PTPRZ1: variants seen among roughly 807,000 people sequenced by gnomAD.
The protein encoded by PTPRZ1 is receptor-type tyrosine-protein phosphatase zeta.
In PTPRZ1, 82 loss-of-function variants were observed where a neutral mutation model predicts 214.1. The ratio of observed to expected loss-of-function variants is 0.38; its 90% confidence interval spans 0.32 to 0.46. PTPRZ1 has a LOEUF of 0.46. PTPRZ1 is among the 20% of genes least tolerant of loss of function. The pLI is 1.00. For missense variants in PTPRZ1, 2,603 were observed against 2,748.7 expected (o/e 0.95, Z 1.19); for synonymous variants, 945 against 987.9 (o/e 0.96, Z 0.81).
chr7:122,042,695 C>T lies in PTPRZ1; in HGVS notation c.5889C>T (p.Gly1963=). The change falls in exon 22 of 30, where the codon GGC becomes GGT. Residue 1963 remains glycine, a synonymous_variant. Coordinates refer to ENST00000393386, the MANE Select transcript of PTPRZ1 (RefSeq NM_002851.3). ...IQHEGTVNIF[G]FLKHIRSQRN... ...ACGAAGGAACTGTCAACATATTTGG[C>T]TTCTTAAAACACATCCGTTCACAAA... 1 of 1,613,394 alleles carries T rather than the reference C, an allele frequency of 6.2e-7. No individual in the cohort carries two copies. The highest frequency in any genetic ancestry group is 8.5e-7 in the Non-Finnish European group (1 of 1,179,352).
At chr7:121,936,370 T>G (rs1005360571) in intron 2 of PTPRZ1, among the ~76,000 whole-genome samples, 1 of 152,220 alleles carries the variant, frequency 6.6e-6, no homozygotes, top group Non-Finnish European at 1.5e-5. Context: ...AGGAGGAATG[T>G]GTATATGGCT....
intron 1 of PTPRZ1, among the ~76,000 whole-genome samples, chr7:121,878,290 G>A (rs976570347): frequency 6.6e-6 from 1 of 152,140 alleles, no homozygotes; most frequent in African/African-American, 2.4e-5. Flanking sequence ...GTGGCTAGTG[G>A]CAATCACATG....
chr7:121,929,832 AAAT>A (rs1322541105), intron 2 of PTPRZ1, among the ~76,000 whole-genome samples: 45 of 19,392 alleles, frequency 2.3e-3, no homozygotes, highest in African/African-American at 8.0e-3. Flanking sequence ...AATAAAAAAT[AAAT>A]AAATAAATAA....
At position 122,032,936 on chromosome 7, in the gene PTPRZ1, T is replaced by C. The variant is rs138563867; in HGVS notation, c.5167-1159T>C. ...CGCATGCTATAGTGTTAACTCAATG[T>C]TAATTTTAGTGTTAACTGATAGAAA... On this transcript the variant is annotated intron_variant, in intron 15 of 29. Coordinates refer to ENST00000393386, the MANE Select transcript of PTPRZ1 (RefSeq NM_002851.3). Among the ~76,000 whole-genome samples, 37 of 152,240 alleles carry C rather than the reference T, an allele frequency of 2.4e-4. No homozygotes were observed. In the East Asian group the frequency reaches 7.1e-3, roughly 29 times the overall value.
chr7:121,940,328 C>T (rs1796204141), intron 2 of PTPRZ1, among the ~76,000 whole-genome samples: 1 of 152,118 alleles, frequency 6.6e-6, no homozygotes, highest in South Asian at 2.1e-4. Flanking sequence ...TTTACCTACT[C>T]CAAGAGGGGT....
At chr7:121,906,736 T>A (rs1194688784) in intron 1 of PTPRZ1, among the ~76,000 whole-genome samples, 1 of 152,176 alleles carries the variant, frequency 6.6e-6, no homozygotes, top group Admixed American at 6.6e-5. Flanking sequence ...GTTAAAGACA[T>A]TCACTGGCTT....
At chr7:121,879,498 A>G (rs1026218346) in intron 1 of PTPRZ1, among the ~76,000 whole-genome samples, 2 of 152,236 alleles carry the variant, frequency 1.3e-5, no homozygotes, top group Non-Finnish European at 2.9e-5. Flanking sequence ...GACACAAAAC[A>G]GTTTTGAAAA....
intron 1 of PTPRZ1, among the ~76,000 whole-genome samples, chr7:121,874,171 A>G (rs1271546042): frequency 6.6e-6 from 1 of 151,802 alleles, no homozygotes; most frequent in Non-Finnish European, 1.5e-5. Flanking sequence ...ACAAAAAAAA[A>G]AGTTCCATCT....
chr7:122,039,803 G>A (rs1383653944), intron 20 of PTPRZ1, among the ~76,000 whole-genome samples: 1 of 152,052 alleles, frequency 6.6e-6, no homozygotes, highest in Non-Finnish European at 1.5e-5. Flanking sequence ...GTCGAGACTA[G>A]CCTGGCCAAC....
At chr7:121,895,556 A>G (rs1184026902) in intron 1 of PTPRZ1, among the ~76,000 whole-genome samples, 1 of 152,182 alleles carries the variant, frequency 6.6e-6, no homozygotes, top group African/African-American at 2.4e-5. Context: ...TGTTTATTAC[A>G]AGTTGTAAAG....
In PTPRZ1 at chr7:121,902,502, C is replaced by A. The variant is rs556366489; in HGVS notation, c.59-25654C>A. 1.1e-4 allele frequency among the ~76,000 whole-genome samples: 16 copies of A among 152,200 alleles called. No homozygotes were observed. In the East Asian group the frequency reaches 2.9e-3, roughly 28 times the overall value. On this transcript the variant is annotated intron_variant, in intron 1 of 29. Transcript: ENST00000393386. ...TGACAGGGAATAAGAGTTCTCCTTT[C>A]TTTATATCCTCACCAGCATTTGTTA...
intron 1 of PTPRZ1, among the ~76,000 whole-genome samples, chr7:121,896,591 GT>G (rs1794790051): frequency 6.6e-6 from 1 of 152,008 alleles, no homozygotes. Context: ...GGCTAACATG[GT>G]GAAACCCCGC....
chr7:122,012,504 C>G lies in PTPRZ1; in HGVS notation c.3458C>G (p.Ser1153Cys). The change falls in exon 12 of 30, where the codon TCT (serine) becomes TGT (cysteine). Residue 1153 changes from serine (S) to cysteine (C), a missense_variant. Around this residue, in one of 6 missense-constraint regions of PTPRZ1, gnomAD observed 1,913 missense variants for 1,914.3 expected, o/e 1.00. Coordinates refer to ENST00000393386, the MANE Select transcript of PTPRZ1 (RefSeq NM_002851.3). ...VLSANSEPAS[S>C]DPASSEMLSP... The stretch of plus-strand genomic sequence containing the variant: ...AGTGCAAACTCAGAGCCAGCATCCT[C>G]TGACCCTGCTTCTAGTGAAATGTTA... 3.7e-6 allele frequency: 6 copies of G among 1,614,114 alleles called. No homozygotes were observed. Among genetic ancestry groups the G allele is most frequent in the Non-Finnish European group, 5.1e-6 (6 of 1,179,998 alleles).
rs377187562 is a variant in PTPRZ1, at chr7:122,042,712, G to A, written c.5906G>A (p.Arg1969His). Residue 1969 changes from arginine to histidine, a missense_variant, in exon 22 of 30, where the codon CGT becomes CAT. Transcript: ENST00000393386. ...ATATTTGGCTTCTTAAAACACATCC[G>A]TTCACAAAGAAATTATTTGGTACAA... is the stretch of plus-strand genomic sequence containing the variant. ...VNIFGFLKHI[R>H]SQRNYLVQTE... 1.6e-5 allele frequency: 25 copies of A among 1,612,344 alleles called. No homozygotes were observed. Among genetic ancestry groups the A allele is most frequent in the East Asian group, 1.1e-4 (5 of 44,870 alleles).
rs1229390143 is a variant in PTPRZ1 at position 121,906,378 on chromosome 7, A to T, written c.59-21778A>T. ...ACATGGTTATTTTATGTTTGGTAGT[A>T]GTAGTTAAAATAAAACTATATTAAT... is the stretch of plus-strand genomic sequence containing the variant. On this transcript the variant is annotated intron_variant, in intron 1 of 29. Transcript: ENST00000393386. Among the ~76,000 whole-genome samples the T allele has an allele frequency of 3.9e-5, 6 of 152,302 alleles. No individual in the cohort carries two copies. The East Asian group carries it at 1.2e-3, about 29-fold the overall frequency.
At chr7:122,051,060 A>G (rs1264601723) in intron 23 of PTPRZ1, among the ~76,000 whole-genome samples, 1 of 152,194 alleles carries the variant, frequency 6.6e-6, no homozygotes, top group Non-Finnish European at 1.5e-5. Context: ...ATTGAATTAT[A>G]TACATATATA....
chr7:122,044,326 ACT>A, intron 22 of PTPRZ1, 94 bp from the exon 23 acceptor site: 2 of 1,436,072 alleles, frequency 1.4e-6, no homozygotes, highest in Non-Finnish European at 1.9e-6. Flanking sequence ...ATTCTGTAAA[ACT>A]CTCCTTGTCT....
chr7:122,059,778 T>C lies in PTPRZ1; in HGVS notation c.6697T>C (p.Phe2233Leu). The C allele has an allele frequency of 6.2e-7, 1 of 1,612,592 alleles. No individual in the cohort carries two copies. Among genetic ancestry groups the C allele is most frequent in the African/African-American group, 1.3e-5 (1 of 74,848 alleles). ...GCATGGAGGAGTGACGGCAGGAACTTTCTGTGCTCTGACAACCCTTATGCA... is the reference window on the plus strand; with the variant it reads ...GCATGGAGGAGTGACGGCAGGAACTCTCTGTGCTCTGACAACCCTTATGCA... Reference protein sequence around the residue: ...DEHGGVTAGTFCALTTLMHQL... With the variant: ...DEHGGVTAGTLCALTTLMHQL... Residue 2233 changes from phenylalanine (F) to leucine (L), a missense_variant, in exon 29 of 30, where the codon TTC (phenylalanine) becomes CTC (leucine). Phe to Leu is a conservative substitution (Grantham distance 22, BLOSUM62 0). Coordinates refer to ENST00000393386, the MANE Select transcript of PTPRZ1 (RefSeq NM_002851.3).
intron 2 of PTPRZ1, among the ~76,000 whole-genome samples, chr7:121,932,241 A>C (rs191153208): frequency 6.6e-6 from 1 of 152,324 alleles, no homozygotes; most frequent in Admixed American, 6.5e-5. Flanking sequence ...ATTACATTAA[A>C]ACCAAACCTT....
Sources: allele counts gnomAD v4.1 joint callset (sites outside exome capture counted in the v4.1 genomes callset), GRCh38; gene constraint gnomAD v4.1.1; regional missense constraint gnomAD v4.1.1; transcripts MANE v1.5; gene names NCBI Gene and HGNC (gene_info 2026-07-23, HGNC 2026-07-21).